The following TENM1 variants were observed in gnomAD, a reference collection of about 807,000 sequenced individuals.
The protein encoded by TENM1 is teneurin transmembrane protein 1, also known as teneurin-1.
Under a neutral mutation model 174.8 loss-of-function variants are expected in TENM1, and 35 were observed. The observed-to-expected ratio is 0.20, with a 90% CI of 0.15 to 0.27. The LOEUF (loss-of-function observed/expected upper bound fraction) is 0.27, where lower values mean the gene tolerates loss of function less well. Among genes scored for constraint, TENM1 ranks in the 10% least tolerant of loss-of-function variants. The probability of loss-of-function intolerance (pLI) is 1.00; values close to 1 mark genes in which losing one functional copy is unlikely to be tolerated. For missense variants in TENM1, 1,633 were observed against 2,130.1 expected (o/e 0.77, Z 4.59); for synonymous variants, 781 against 798.7 (o/e 0.98, Z 0.37).
intron 3 of TENM1, among the ~76,000 whole-genome samples, chrX:124,757,713 T>C (rs1311791597): frequency 1.8e-5 from 2 of 112,490 alleles, no homozygotes; most frequent in African/African-American, 3.2e-5. Flanking sequence ...TATGCCAAAA[T>C]CTAGTCTTAA....
At chrX:124,468,474 G>A (rs1362941018) in intron 22 of TENM1, among the ~76,000 whole-genome samples, 2 of 112,207 alleles carry the variant, frequency 1.8e-5, no homozygotes, top group Non-Finnish European at 3.8e-5. Context: ...CCGCGCCCGC[G>A]CCCGGCACAT....
At chrX:125,094,180 C>T in the TENM1 span, among the ~76,000 whole-genome samples, 1 of 112,151 alleles carries the variant, frequency 8.9e-6, no homozygotes, top group Non-Finnish European at 1.9e-5. Context: ...CTGATATCAT[C>T]TATTGAATTT....
intron 15 of TENM1, among the ~76,000 whole-genome samples, chrX:124,532,594 C>T (rs1465284883): frequency 1.8e-5 from 2 of 111,802 alleles, no homozygotes; most frequent in Non-Finnish European, 3.8e-5. Context: ...ATTCAAGACA[C>T]TGTCTACCTG....
At chrX:124,916,426 G>C (rs373528495) in intron 1 of TENM1, among the ~76,000 whole-genome samples, 17 of 111,020 alleles carry the variant, frequency 1.5e-4, no homozygotes, top group Non-Finnish European at 2.6e-4. Context: ...TCCCAACTCA[G>C]TCTTCCTTGT....
intron 1 of TENM1, among the ~76,000 whole-genome samples, chrX:124,916,935 T>C (rs753962537): frequency 1.8e-5 from 2 of 111,574 alleles, no homozygotes; most frequent in African/African-American, 6.5e-5. Flanking sequence ...TTATCCAGTC[T>C]ATGGTATTCT....
chrX:125,099,592 C>T, the TENM1 span, among the ~76,000 whole-genome samples: 1 of 111,713 alleles, frequency 9.0e-6, no homozygotes, highest in Non-Finnish European at 1.9e-5. Context: ...ACCAAGTGGC[C>T]AAAGAAAGCA....
chrX:124,464,605 C>T (rs957227436), intron 22 of TENM1, among the ~76,000 whole-genome samples: 4 of 111,574 alleles, frequency 3.6e-5, no homozygotes, highest in Non-Finnish European at 7.5e-5. Context: ...ATGAGCACTG[C>T]GTGAATACAC....
At chrX:124,412,322 T>G (rs928395146) in intron 25 of TENM1, among the ~76,000 whole-genome samples, 1 of 112,790 alleles carries the variant, frequency 8.9e-6, no homozygotes, top group African/African-American at 3.2e-5. Context: ...CAGAATCCAT[T>G]CTTGTCCTTG....
At chrX:124,967,100 G>A (rs2058736605), upstream of TENM1, among the ~76,000 whole-genome samples, 1 of 111,873 alleles carries the variant, frequency 8.9e-6, no homozygotes, top group Non-Finnish European at 1.9e-5. Flanking sequence ...TAAAGATGAA[G>A]ATATTGGAAA....
chrX:125,085,285 A>C, the TENM1 span, among the ~76,000 whole-genome samples: 1 of 110,686 alleles, frequency 9.0e-6, no homozygotes, highest in Non-Finnish European at 1.9e-5. Flanking sequence ...ATGTACTGTA[A>C]TGTTTGTAAT....
At chrX:124,446,524 T>C (rs1248219800) in intron 23 of TENM1, among the ~76,000 whole-genome samples, 1 of 112,613 alleles carries the variant, frequency 8.9e-6, no homozygotes, top group Non-Finnish European at 1.9e-5. Context: ...TGATTCTTCT[T>C]TGGGCTTAGG....
At chrX:125,159,913 T>C in the TENM1 span, among the ~76,000 whole-genome samples, 1 of 111,258 alleles carries the variant, frequency 9.0e-6, no homozygotes, top group Non-Finnish European at 1.9e-5. Context: ...AAAAAAGAAA[T>C]TGGAGGCAGG....
intron 11 of TENM1, among the ~76,000 whole-genome samples, chrX:124,569,176 C>A (rs182998751): frequency 9.2e-6 from 1 of 108,133 alleles, no homozygotes; most frequent in South Asian, 4.1e-4. Flanking sequence ...CTAGCCTGGG[C>A]AACAGAGTGA....
chrX:125,164,605 A>G, the TENM1 span, among the ~76,000 whole-genome samples: 91 of 112,339 alleles, frequency 8.1e-4, no homozygotes, highest in Non-Finnish European at 1.1e-3. Context: ...CAGAGCACCT[A>G]GCAAAGAACC....
the TENM1 span, among the ~76,000 whole-genome samples, chrX:125,088,621 T>C: frequency 9.1e-6 from 1 of 110,387 alleles, no homozygotes; most frequent in Non-Finnish European, 1.9e-5. Context: ...GTGAGAAAAA[T>C]TAAGGAGTTA....
At chrX:124,777,155 A>G (rs2054804605) in intron 3 of TENM1, among the ~76,000 whole-genome samples, 1 of 111,674 alleles carries the variant, frequency 9.0e-6, no homozygotes, top group Admixed American at 9.5e-5. Flanking sequence ...TTATTTAAAA[A>G]TAAGTAAAAT....
chrX:124,879,616 T>C (rs1171019042), intron 3 of TENM1, among the ~76,000 whole-genome samples: 1 of 111,887 alleles, frequency 8.9e-6, no homozygotes, highest in Admixed American at 9.5e-5. Flanking sequence ...CCGATTTCTT[T>C]TCCTGTGGAT....
rs550281425 is a variant in TENM1, at chrX:124,626,138, G to T, written c.2077+15653C>A. ...GGAGTAGGGGTCTACAAACTCTATA[G>T]CCAGAGGATTTCCTTTGCCAGATTA... On this transcript the variant is annotated intron_variant, in intron 11 of 31. Coordinates refer to ENST00000422452, the Ensembl canonical transcript of TENM1. 1.8e-4 allele frequency among the ~76,000 whole-genome samples: 20 copies of T among 111,030 alleles called. No homozygotes were observed. The South Asian group carries it at 7.0e-3, about 39-fold the overall frequency.
At chrX:124,681,003 T>C in intron 5 of TENM1, among the ~76,000 whole-genome samples, 1 of 111,556 alleles carries the variant, frequency 9.0e-6, no homozygotes, top group Non-Finnish European at 1.9e-5. Flanking sequence ...TCTTACCCAT[T>C]TGACCTGTAT....
Sources: allele counts gnomAD v4.1 joint callset (sites outside exome capture counted in the v4.1 genomes callset), GRCh38; gene constraint gnomAD v4.1.1; transcripts MANE v1.5; gene names NCBI Gene and HGNC (gene_info 2026-07-23, HGNC 2026-07-21).